The following MTUS1 variants were observed in gnomAD, a reference collection of about 807,000 sequenced individuals.
MTUS1 encodes the protein microtubule-associated tumor suppressor 1.
MTUS1 carries 109 observed loss-of-function variants against 120.8 expected under a neutral mutation model. That is an observed-to-expected ratio of 0.90 (90% CI 0.77 to 1.06). The LOEUF (loss-of-function observed/expected upper bound fraction) is 1.06, where lower values mean the gene tolerates loss of function less well. Ranked by LOEUF, MTUS1 falls within the 50% of genes least tolerant of loss-of-function variation. MTUS1 has a pLI of 0.00. For synonymous variants in MTUS1, 737 were observed against 550.5 expected (o/e 1.34, Z -4.74); for missense variants, 2,210 against 1,486.3 (o/e 1.49, Z -8.01).
chr8:17,738,958 G>A (rs2047116876), intron 3 of MTUS1, among the ~76,000 whole-genome samples: 1 of 151,334 alleles, frequency 6.6e-6, no homozygotes, highest in African/African-American at 2.4e-5. Context: ...GGGCAACAAA[G>A]TGAGACCCCC....
intron 1 of MTUS1, among the ~76,000 whole-genome samples, chr8:17,772,063 G>T (rs1419776423): frequency 6.6e-6 from 1 of 152,144 alleles, no homozygotes; most frequent in East Asian, 1.9e-4. Flanking sequence ...GCAGAATCAG[G>T]ATCAGAATTA....
At chr8:17,737,603 T>G (rs1049648249) in intron 3 of MTUS1, among the ~76,000 whole-genome samples, 9 of 152,212 alleles carry the variant, frequency 5.9e-5, no homozygotes, top group Non-Finnish European at 1.2e-4. Context: ...TCCTCCCACC[T>G]CAGCCTCCTG....
chr8:17,801,504 C>A (rs2052672167), upstream of MTUS1: 1 of 152,130 alleles, frequency 6.6e-6, no homozygotes, highest in African/African-American at 2.4e-5. Flanking sequence ...CTCTCCGCTC[C>A]CGCTCTCGGG....
intron 3 of MTUS1, among the ~76,000 whole-genome samples, chr8:17,728,849 T>G (rs761434584): frequency 1.3e-5 from 2 of 152,144 alleles, no homozygotes; most frequent in Non-Finnish European, 2.9e-5. Context: ...GGTAGCAGTG[T>G]GCAGAACTGA....
intron 1 of MTUS1, among the ~76,000 whole-genome samples, chr8:17,789,507 C>T (rs938904115): frequency 1.3e-5 from 2 of 152,254 alleles, no homozygotes; most frequent in Non-Finnish European, 2.9e-5. Flanking sequence ...TTAGAAACTT[C>T]AGAGTTGTCC....
At chr8:17,660,098 T>G in intron 8 of MTUS1, among the ~76,000 whole-genome samples, 1 of 152,052 alleles carries the variant, frequency 6.6e-6, no homozygotes, top group Middle Eastern at 3.4e-3. Flanking sequence ...GTTGGCCGGG[T>G]GCAGTGGCTC....
intron 2 of MTUS1, among the ~76,000 whole-genome samples, chr8:17,749,632 C>G (rs958028400): frequency 6.7e-6 from 1 of 149,964 alleles, no homozygotes; most frequent in Admixed American, 6.6e-5. Flanking sequence ...CACTGCACCC[C>G]CAGCCTGGGC....
intron 8 of MTUS1, among the ~76,000 whole-genome samples, chr8:17,670,363 A>C (rs1028922312): frequency 6.6e-6 from 1 of 152,144 alleles, no homozygotes; most frequent in Non-Finnish European, 1.5e-5. Context: ...GGATGAGAAA[A>C]CAGCTGGCAA....
intron 6 of MTUS1, among the ~76,000 whole-genome samples, chr8:17,700,269 G>A (rs556673884): frequency 4.0e-5 from 6 of 151,856 alleles, no homozygotes; most frequent in African/African-American, 1.5e-4. Flanking sequence ...AGAAGTTCAA[G>A]ACCAGCCTGG....
intron 1 of MTUS1, 57 bp downstream of exon 1, chr8:17,801,004 T>G (rs901518910): frequency 1.3e-5 from 2 of 151,566 alleles, no homozygotes; most frequent in Non-Finnish European, 2.9e-5. Context: ...CGCGCTCGCC[T>G]GTCCCCTCCC....
chr8:17,756,455 A>G (rs1416631306), intron 1 of MTUS1, among the ~76,000 whole-genome samples: 1 of 152,146 alleles, frequency 6.6e-6, no homozygotes, highest in Non-Finnish European at 1.5e-5. Flanking sequence ...ATGAAAGCCC[A>G]GCAAATCAGC....
chr8:17,759,263 TTTTA>T (rs1383262986), intron 1 of MTUS1, among the ~76,000 whole-genome samples: 1 of 151,650 alleles, frequency 6.6e-6, no homozygotes, highest in African/African-American at 2.4e-5. Flanking sequence ...AGTTGTCTTT[TTTTA>T]TTTTTCTTTT....
chr8:17,721,624 A>C, intron 4 of MTUS1: 1 of 1,423,002 alleles, frequency 7.0e-7, no homozygotes, highest in Non-Finnish European at 9.3e-7. Flanking sequence ...AAGTTACAAA[A>C]ACAGAAGTCA....
At position 17,754,942 on chromosome 8, in the gene MTUS1, G is replaced by A. The variant is rs776336484; in HGVS notation, c.866C>T (p.Thr289Ile). The change falls in exon 2 of 15, where the codon ACA (threonine) becomes ATA (isoleucine). Residue 289 changes from threonine to isoleucine, a missense_variant. Physicochemically the swap from Thr to Ile is moderately conservative, Grantham distance 89. Coordinates refer to ENST00000693296, the MANE Select transcript of MTUS1 (RefSeq NM_001363059.2). ...SQQRLVGEKE[T>I]QALTPVSDGM... ...ATCAGAAACTGGTGTTAGTGCTTGTGTCTCCTTTTCTCCAACTAGTCTTTG... is the reference window on the plus strand; with the variant it reads ...ATCAGAAACTGGTGTTAGTGCTTGTATCTCCTTTTCTCCAACTAGTCTTTG... The A allele has an allele frequency of 6.2e-7, 1 of 1,614,102 alleles. No homozygotes were observed. Among genetic ancestry groups the A allele is most frequent in the Non-Finnish European group, 8.5e-7 (1 of 1,179,978 alleles).
rs750632328 is a variant in MTUS1 at position 17,721,718 on chromosome 8, T to C, written c.2449+1954A>G. The C allele has an allele frequency of 2.8e-5, 43 of 1,556,354 alleles. No homozygotes were observed. The Middle Eastern group carries it at 5.1e-4, about 19-fold the overall frequency. On this transcript the variant is annotated intron_variant, in intron 4 of 14. Transcript: ENST00000693296. ...CCAGAAATCGTCGACCTACTTTTTT[T>C]CCCAGTAAACGTGGCTAACAAAGGA...
chr8:17,674,285 T>C (rs568401201), intron 8 of MTUS1, among the ~76,000 whole-genome samples: 94 of 151,940 alleles, frequency 6.2e-4, no homozygotes, highest in Non-Finnish European at 9.7e-4. Flanking sequence ...CTGGGTGTGG[T>C]GGTGTGCTCC....
chr8:17,666,594 A>G (rs1659706092), intron 8 of MTUS1, among the ~76,000 whole-genome samples: 1 of 152,118 alleles, frequency 6.6e-6, no homozygotes, highest in South Asian at 2.1e-4. Context: ...AAAAGTGCAG[A>G]TTCCTCCTCA....
At position 17,671,849 on chromosome 8, in the gene MTUS1, G is replaced by A. The variant is rs542761012; in HGVS notation, c.2905+3337C>T. On this transcript the variant is annotated intron_variant, in intron 8 of 14. Coordinates refer to ENST00000693296, the MANE Select transcript of MTUS1 (RefSeq NM_001363059.2). ...GGGAAGAAGTGGGTGCTTTGATGAC[G>A]GCGATAGTGGCAGCTCTCTTTTCTT... Among the ~76,000 whole-genome samples, 48 of 152,202 alleles carry A rather than the reference G, an allele frequency of 3.2e-4. No homozygotes were observed. In the Middle Eastern group the frequency reaches 0.014, roughly 43 times the overall value.
At chr8:17,652,233 A>C (rs1807162847) in intron 12 of MTUS1, among the ~76,000 whole-genome samples, 1 of 152,250 alleles carries the variant, frequency 6.6e-6, no homozygotes, top group African/African-American at 2.4e-5. Context: ...ATGTGCCACA[A>C]GAAATTTCAG....
Sources: allele counts gnomAD v4.1 joint callset (sites outside exome capture counted in the v4.1 genomes callset), GRCh38; gene constraint gnomAD v4.1.1; transcripts MANE v1.5; gene names NCBI Gene and HGNC (gene_info 2026-07-23, HGNC 2026-07-21).